The following EIF4G3 variants were observed in gnomAD, a reference collection of about 807,000 sequenced individuals.
EIF4G3 encodes the protein eIF-4-gamma 3.
In EIF4G3, 34 loss-of-function variants were observed where a neutral mutation model predicts 186.4. That is an observed-to-expected ratio of 0.18 (90% confidence interval 0.14 to 0.24). The LOEUF (loss-of-function observed/expected upper bound fraction) is 0.24. Among genes scored for constraint, EIF4G3 ranks in the 10% least tolerant of loss-of-function variants. The probability of loss-of-function intolerance (pLI) is 1.00; values close to 1 mark genes in which losing one functional copy is unlikely to be tolerated. For missense variants in EIF4G3, 1,536 were observed against 1,948.5 expected, an observed-to-expected ratio of 0.79 and a Z score of 3.99; for synonymous variants, 673 against 679.5, an observed-to-expected ratio of 0.99 and a Z score of 0.15.
At position 21,156,145 on chromosome 1, in the gene EIF4G3, C is replaced by A. The variant is rs200981930; in HGVS notation, c.-272+20030G>T. Among the ~76,000 whole-genome samples the A allele has an allele frequency of 2.1e-3, 300 of 145,178 alleles. 1 individual carries two copies. Among genetic ancestry groups the A allele is most frequent in the East Asian group, 9.3e-3 (47 of 5,048 alleles). ...TCTGTCTCAAAAAAAAAAAAAACAA[C>A]AAAAAAAAACTCAAGAGCTTTCAAT... On this transcript the variant is annotated intron_variant, in intron 2 of 36. Coordinates refer to ENST00000602326, the MANE Select transcript of EIF4G3 (RefSeq NM_001391906.1).
At chr1:21,095,307 A>C (rs971342519) in intron 2 of EIF4G3, among the ~76,000 whole-genome samples, 7 of 152,210 alleles carry the variant, frequency 4.6e-5, no homozygotes, top group African/African-American at 1.7e-4. Flanking sequence ...CTTTGCAATT[A>C]GTATCTCTGG....
intron 2 of EIF4G3, among the ~76,000 whole-genome samples, chr1:21,121,977 T>C (rs573675456): frequency 6.6e-6 from 1 of 152,260 alleles, no homozygotes. Context: ...AAGCCCATTT[T>C]ACAGATTAGG....
intron 10 of EIF4G3, among the ~76,000 whole-genome samples, chr1:20,978,911 G>GAA (rs947148313): frequency 2.8e-5 from 4 of 140,660 alleles, no homozygotes; most frequent in Non-Finnish European, 4.7e-5. Flanking sequence ...CCTCAAAACT[G>GAA]AAAAAAAAAA....
At chr1:21,150,639 T>G (rs1197116166) in intron 2 of EIF4G3, among the ~76,000 whole-genome samples, 1 of 152,236 alleles carries the variant, frequency 6.6e-6, no homozygotes. Flanking sequence ...AAATTTTAAC[T>G]TGATTTCACT....
chr1:21,127,309 T>C (rs1434581133), intron 2 of EIF4G3, among the ~76,000 whole-genome samples: 2 of 152,138 alleles, frequency 1.3e-5, no homozygotes, highest in African/African-American at 4.8e-5. Flanking sequence ...CTCAAAATTA[T>C]ACTGAGCTCA....
At chr1:21,090,358 CCAACTAGGCAAATA>C (rs2096146841) in intron 2 of EIF4G3, among the ~76,000 whole-genome samples, 1 of 152,110 alleles carries the variant, frequency 6.6e-6, no homozygotes, top group African/African-American at 2.4e-5. Flanking sequence ...ACAACAAATG[CCAACTAGGCAAATA>C]CACTTGCAAA....
intron 4 of EIF4G3, among the ~76,000 whole-genome samples, chr1:21,039,135 A>C (rs1004404538): frequency 2.6e-5 from 4 of 152,236 alleles, no homozygotes; most frequent in African/African-American, 9.6e-5. Flanking sequence ...CCCGGAAATA[A>C]ACCTTCACAT....
At chr1:20,939,094 G>A (rs1420193090) in intron 14 of EIF4G3, among the ~76,000 whole-genome samples, 15 of 138,174 alleles carry the variant, frequency 1.1e-4, no homozygotes, top group African/African-American at 2.7e-4. Context: ...GCGATGGAGC[G>A]AGACTCCATC....
At chr1:20,913,859 T>G (rs1318882712) in intron 14 of EIF4G3, among the ~76,000 whole-genome samples, 2 of 142,040 alleles carry the variant, frequency 1.4e-5, no homozygotes, top group African/African-American at 5.3e-5. Context: ...CAGCCTGGAG[T>G]GCAGTGGTGC....
chr1:21,063,533 G>A (rs1268287828), intron 3 of EIF4G3, among the ~76,000 whole-genome samples: 1 of 151,984 alleles, frequency 6.6e-6, no homozygotes, highest in African/African-American at 2.4e-5. Context: ...AAAATGAGAA[G>A]TTGCTTATGG....
intron 14 of EIF4G3, among the ~76,000 whole-genome samples, chr1:20,912,934 G>A (rs1470110577): frequency 6.6e-6 from 1 of 152,142 alleles, no homozygotes; most frequent in Non-Finnish European, 1.5e-5. Flanking sequence ...GTGGCACAAA[G>A]AAGAAACCCA....
intron 13 of EIF4G3, among the ~76,000 whole-genome samples, chr1:20,948,035 A>AT (rs2096046267): frequency 6.6e-6 from 1 of 152,152 alleles, no homozygotes; most frequent in Non-Finnish European, 1.5e-5. Flanking sequence ...TATGTGATAA[A>AT]TTTTTTAAAA....
At chr1:20,871,126 A>T (rs1217885237) in intron 20 of EIF4G3, among the ~76,000 whole-genome samples, 2 of 152,250 alleles carry the variant, frequency 1.3e-5, no homozygotes, top group African/African-American at 4.8e-5. Context: ...TTTATACTCT[A>T]GGATTCACCT....
chr1:21,055,535 G>C (rs1017423592), intron 3 of EIF4G3, among the ~76,000 whole-genome samples: 6 of 152,030 alleles, frequency 3.9e-5, no homozygotes, highest in African/African-American at 1.4e-4. Context: ...TAAGGAAACA[G>C]GACACAGATA....
chr1:21,015,965 C>T (rs547314370), intron 4 of EIF4G3, among the ~76,000 whole-genome samples: 3 of 152,066 alleles, frequency 2.0e-5, no homozygotes, highest in South Asian at 2.1e-4. Context: ...AACTAAAAAC[C>T]GTATGAAAAT....
intron 20 of EIF4G3, among the ~76,000 whole-genome samples, chr1:20,867,370 T>C (rs1240380452): frequency 1.3e-5 from 2 of 152,172 alleles, no homozygotes; most frequent in East Asian, 3.9e-4. Flanking sequence ...CCCCTACACC[T>C]GCAGAATGAG....
chr1:20,935,628 T>C (rs1000723741), intron 14 of EIF4G3, among the ~76,000 whole-genome samples: 2 of 152,222 alleles, frequency 1.3e-5, no homozygotes, highest in Non-Finnish European at 2.9e-5. Context: ...AAGCACATAA[T>C]GTGTAATGAC....
At chr1:20,841,158 A>G (rs1180698698) in intron 29 of EIF4G3, 130 bp from the exon 30 acceptor site, 9 of 845,058 alleles carry the variant, frequency 1.1e-5, no homozygotes, top group Admixed American at 9.3e-5. Context: ...GTTTTCAAAT[A>G]TAAGTTTATA....
chr1:20,832,256 C>A (rs1370884277), intron 30 of EIF4G3, among the ~76,000 whole-genome samples: 5 of 134,008 alleles, frequency 3.7e-5, no homozygotes, highest in East Asian at 2.2e-4. Context: ...TTCTCCACAT[C>A]CTCTCCAGCA....
Sources: gnomAD v4.1 joint callset for allele counts (sites outside exome capture counted in the v4.1 genomes callset) on GRCh38, gnomAD v4.1.1 for gene constraint, MANE v1.5 for transcripts, NCBI Gene and HGNC (gene_info 2026-07-23, HGNC 2026-07-21) for gene names.